FGGY: variants seen among roughly 807,000 people sequenced by gnomAD.
FGGY encodes the protein FGGY carbohydrate kinase domain-containing protein.
Under a neutral mutation model 71.3 loss-of-function variants are expected in FGGY, and 72 were observed. That is an observed-to-expected ratio of 1.01 (90% CI 0.84 to 1.23). The LOEUF (loss-of-function observed/expected upper bound fraction) is 1.23, where lower values mean the gene tolerates loss of function less well. Ranked by LOEUF, FGGY falls within the 50% of genes most tolerant of loss-of-function variation. The pLI, the probability that FGGY is intolerant of heterozygous loss-of-function variation, is 0.00. For missense variants in FGGY, 668 were observed against 682.3 expected, an observed-to-expected ratio of 0.98 and a Z score of 0.23; for synonymous variants, 251 against 250.3, an observed-to-expected ratio of 1.00 and a Z score of -0.02.
intron 14 of FGGY, among the ~76,000 whole-genome samples, chr1:59,698,177 C>G (rs2097678213): frequency 6.6e-6 from 1 of 152,014 alleles, no homozygotes; most frequent in African/African-American, 2.4e-5. Flanking sequence ...ATGTCTTGTT[C>G]CAGCCCAAAG....
At chr1:59,549,724 G>A (rs567634712) in intron 7 of FGGY, among the ~76,000 whole-genome samples, 104 of 152,222 alleles carry the variant, frequency 6.8e-4, no homozygotes, top group African/African-American at 2.2e-3. Flanking sequence ...CTGCCACAGC[G>A]TGATAAATTA....
intron 4 of FGGY, among the ~76,000 whole-genome samples, chr1:59,347,717 A>T (rs2052368300): frequency 6.6e-6 from 1 of 152,198 alleles, no homozygotes; most frequent in South Asian, 2.1e-4. Context: ...AGGATTCCCT[A>T]TTTAATAAAT....
chr1:59,489,378 T>C (rs1421410699), intron 6 of FGGY, among the ~76,000 whole-genome samples: 1 of 152,142 alleles, frequency 6.6e-6, no homozygotes, highest in Non-Finnish European at 1.5e-5. Context: ...CCCTCTTCCC[T>C]CTACCATTCT....
At chr1:59,407,348 C>T (rs953121969) in intron 5 of FGGY, among the ~76,000 whole-genome samples, 1 of 152,164 alleles carries the variant, frequency 6.6e-6, no homozygotes, top group Admixed American at 6.5e-5. Context: ...AAAGATCCAA[C>T]ACTTTACAAG....
intron 7 of FGGY, among the ~76,000 whole-genome samples, chr1:59,530,057 G>A (rs1194299435): frequency 1.3e-5 from 2 of 151,876 alleles, no homozygotes; most frequent in Admixed American, 6.6e-5. Flanking sequence ...GGCAGTCAGG[G>A]TAATTCATCC....
chr1:59,472,259 G>C (rs1477787502), intron 6 of FGGY, among the ~76,000 whole-genome samples: 1 of 152,244 alleles, frequency 6.6e-6, no homozygotes, highest in Non-Finnish European at 1.5e-5. Flanking sequence ...GCAGTGAGGG[G>C]CTTAGCACCT....
At chr1:59,651,962 T>G (rs954658856) in intron 11 of FGGY, among the ~76,000 whole-genome samples, 1 of 151,726 alleles carries the variant, frequency 6.6e-6, no homozygotes, top group African/African-American at 2.4e-5. Context: ...TGACAAAATC[T>G]CTCAGCATTT....
chr1:59,386,867 T>A lies in FGGY; in HGVS notation c.554+8030T>A, dbSNP rs6665463. Among the ~76,000 whole-genome samples the A allele has an allele frequency of 3.1e-3, 473 of 152,294 alleles. 5 individuals carry two copies. Among genetic ancestry groups the A allele is most frequent in the African/African-American group, 0.01 (428 of 41,576 alleles). On this transcript the variant is annotated intron_variant, in intron 5 of 15. Coordinates refer to ENST00000303721, the MANE Select transcript of FGGY (RefSeq NM_018291.5). ...TTTCTATAATTTTAGGTTTATTATT[T>A]CTTATATTTCTTTATATTAAATTTA...
chr1:59,468,933 G>A (rs1469122616), intron 6 of FGGY, among the ~76,000 whole-genome samples: 2 of 151,734 alleles, frequency 1.3e-5, no homozygotes, highest in Non-Finnish European at 2.9e-5. Flanking sequence ...ATATGCTGGG[G>A]ACATAAATGT....
chr1:59,568,571 A>G (rs2095920962), intron 8 of FGGY, among the ~76,000 whole-genome samples: 1 of 152,162 alleles, frequency 6.6e-6, no homozygotes, highest in South Asian at 2.1e-4. Context: ...GGTTGAACCA[A>G]AAAGTATGGA....
At chr1:59,727,475 T>C (rs532426870) in intron 14 of FGGY, among the ~76,000 whole-genome samples, 1 of 152,146 alleles carries the variant, frequency 6.6e-6, no homozygotes, top group Non-Finnish European at 1.5e-5. Flanking sequence ...ACAGTTAAAA[T>C]GAATTACCTA....
At chr1:59,724,930 C>T (rs1312951398) in intron 14 of FGGY, among the ~76,000 whole-genome samples, 1 of 152,088 alleles carries the variant, frequency 6.6e-6, no homozygotes, top group Non-Finnish European at 1.5e-5. Context: ...TCTTTCCATT[C>T]TGTTAAAAAT....
intron 14 of FGGY, among the ~76,000 whole-genome samples, chr1:59,748,016 T>A (rs2098214734): frequency 6.6e-6 from 1 of 152,150 alleles, no homozygotes; most frequent in African/African-American, 2.4e-5. Context: ...TCATTGTAAA[T>A]TTAAATAATA....
chr1:59,707,051 A>C (rs2097761973), intron 14 of FGGY, among the ~76,000 whole-genome samples: 1 of 152,196 alleles, frequency 6.6e-6, no homozygotes, highest in Non-Finnish European at 1.5e-5. Flanking sequence ...AAAGAGAAGC[A>C]AATCTAAGGA....
rs556793702 is a variant in FGGY, at chr1:59,435,548, A to G, written c.555-21413A>G. On this transcript the variant is annotated intron_variant, in intron 5 of 15. Coordinates refer to ENST00000303721, the MANE Select transcript of FGGY (RefSeq NM_018291.5). ...CTCCACTTCACTTGCCCAGACAGACAAGCACTTTGCCCCTTTGCAGCCACT... is the reference window on the plus strand; with the variant it reads ...CTCCACTTCACTTGCCCAGACAGACGAGCACTTTGCCCCTTTGCAGCCACT... Among the ~76,000 whole-genome samples, 3 of 151,948 alleles carry G rather than the reference A, an allele frequency of 2.0e-5. No homozygotes were observed. In the South Asian group the frequency reaches 6.2e-4, roughly 32 times the overall value.
In FGGY at chr1:59,488,549, TTATA is replaced by T. The variant is rs879691810; in HGVS notation, c.671-23756_671-23753del. Among the ~76,000 whole-genome samples the T allele has an allele frequency of 7.4e-5, 11 of 148,266 alleles. No individual in the cohort carries two copies. The Admixed American group carries it at 7.4e-4, about 10-fold the overall frequency. ...TATATAAATATGTATTATGTATATATTATATATATTATATGTATCTATAATAAAA... is the reference window on the plus strand; with the variant it reads ...TATATAAATATGTATTATGTATATATTATATTATATGTATCTATAATAAAA... On this transcript the variant is annotated intron_variant, in intron 6 of 15. Transcript: ENST00000303721.
chr1:59,741,422 T>A (rs764273919), intron 14 of FGGY, among the ~76,000 whole-genome samples: 6 of 152,152 alleles, frequency 3.9e-5, no homozygotes, highest in African/African-American at 1.2e-4. Flanking sequence ...TTGCCTTCTG[T>A]CATGATTGTA....
intron 4 of FGGY, among the ~76,000 whole-genome samples, chr1:59,367,906 C>T (rs1557687214): frequency 2.0e-5 from 3 of 151,880 alleles, no homozygotes; most frequent in Admixed American, 2.0e-4. Context: ...ATAATTTTTT[C>T]TTTTTTTTAA....
intron 9 of FGGY, among the ~76,000 whole-genome samples, chr1:59,625,074 T>A (rs1360227050): frequency 6.6e-6 from 1 of 152,138 alleles, no homozygotes; most frequent in Non-Finnish European, 1.5e-5. Context: ...AGAGAGCCTA[T>A]CCCTGTGCAG....
Sources: allele counts gnomAD v4.1 joint callset (sites outside exome capture counted in the v4.1 genomes callset), GRCh38; gene constraint gnomAD v4.1.1; transcripts MANE v1.5; gene names NCBI Gene and HGNC (gene_info 2026-07-23, HGNC 2026-07-21).